The following PMPCB variants were observed in gnomAD, a reference collection of about 807,000 sequenced individuals.
PMPCB encodes the protein peptidase, mitochondrial processing subunit beta.
Under a neutral mutation model 61.5 loss-of-function variants are expected in PMPCB, and 46 were observed. The ratio of observed to expected loss-of-function variants is 0.75; its 90% CI spans 0.59 to 0.96. PMPCB has a LOEUF of 0.96. PMPCB is among the 40% of genes least tolerant of loss of function. The probability of loss-of-function intolerance (pLI) is 0.00; values close to 1 mark genes in which losing one functional copy is unlikely to be tolerated. For missense variants in PMPCB, 590 were observed against 602.4 expected (o/e 0.98, Z 0.22); for synonymous variants, 191 against 201.6 (o/e 0.95, Z 0.44).
chr7:103,305,992 A>G (rs946614747), intron 6 of PMPCB, among the ~76,000 whole-genome samples: 1 of 152,186 alleles, frequency 6.6e-6, no homozygotes, highest in African/African-American at 2.4e-5. Flanking sequence ...GCTAAAATTG[A>G]GATATCTTTA....
At chr7:103,342,610 ATTT>A in the PMPCB span, among the ~76,000 whole-genome samples, 2 of 136,432 alleles carry the variant, frequency 1.5e-5, no homozygotes, top group African/African-American at 2.7e-5. Flanking sequence ...CACCTGGACA[ATTT>A]TTTTTTTTTT....
chr7:103,322,788 A>T, intron 12 of PMPCB: 3 of 1,603,002 alleles, frequency 1.9e-6, no homozygotes, highest in Non-Finnish European at 2.5e-6. Flanking sequence ...ATCTCCTCTC[A>T]TCACGACTAT....
chr7:103,328,488 G>A (rs1259823344), intron 12 of PMPCB, among the ~76,000 whole-genome samples: 1 of 151,896 alleles, frequency 6.6e-6, no homozygotes, highest in Non-Finnish European at 1.5e-5. Context: ...AAAACTAGCT[G>A]GGCGTGGTGG....
At chr7:103,346,857 C>T in the PMPCB span, among the ~76,000 whole-genome samples, 2 of 144,830 alleles carry the variant, frequency 1.4e-5, no homozygotes, top group South Asian at 2.2e-4. Flanking sequence ...TGTGTGTGAG[C>T]GCGCATGCGT....
intron 12 of PMPCB, chr7:103,320,830 CTTTTT>C (rs745754898): frequency 7.5e-4 from 85 of 113,700 alleles, no homozygotes; most frequent in East Asian, 1.1e-3. Context: ...CTCAGCATGT[CTTTTT>C]TTTTTTTTTT....
intron 12 of PMPCB, chr7:103,327,616 A>G (rs374480562): frequency 9.6e-5 from 124 of 1,296,520 alleles, no homozygotes; most frequent in Non-Finnish European, 1.2e-4. Flanking sequence ...ATAAATAACA[A>G]TTACTATTAG....
Position 103,314,169 on chromosome 7 carries a change from G to A in PMPCB, c.*1898G>A. On this transcript the variant is annotated 3_prime_UTR_variant, in exon 13 of 13. Coordinates refer to ENST00000249269, the MANE Select transcript of PMPCB (RefSeq NM_004279.3). ...AGGAAGTCTTTTGTTGAATTTCCTT[G>A]TATTGGTTTAAAGCCCTAAATACCA... 1 of 985,366 alleles carries A rather than the reference G, an allele frequency of 1.0e-6. No individual in the cohort carries two copies. Among genetic ancestry groups the A allele is most frequent in the East Asian group, 1.1e-4 (1 of 8,818 alleles). 61.0% of individuals were successfully genotyped at this position (985,366 alleles called of 1,614,324 possible).
At chr7:103,299,744 TTC>T (rs1358198243) in intron 3 of PMPCB, among the ~76,000 whole-genome samples, 1 of 152,188 alleles carries the variant, frequency 6.6e-6, no homozygotes, top group Non-Finnish European at 1.5e-5. Context: ...CGTATACCAT[TTC>T]TGAAGCCTGA....
downstream of PMPCB, among the ~76,000 whole-genome samples, chr7:103,333,300 T>C (rs1035693210): frequency 6.6e-6 from 1 of 152,220 alleles, no homozygotes; most frequent in African/African-American, 2.4e-5. Context: ...TTGAAAAAAG[T>C]AACAGAATAG....
In PMPCB at chr7:103,297,516, G is replaced by T; in HGVS notation, c.57G>T (p.Trp19Cys). The T allele has an allele frequency of 6.3e-7, 1 of 1,598,636 alleles. No individual in the cohort carries two copies. The highest frequency in any genetic ancestry group is 8.5e-7 in the Non-Finnish European group (1 of 1,171,928). Residue 19 changes from tryptophan to cysteine, a missense_variant, in exon 1 of 13, where the codon TGG becomes TGT. Trp to Cys is a radical substitution (Grantham distance 215). Coordinates refer to ENST00000249269, the MANE Select transcript of PMPCB (RefSeq NM_004279.3). ...VLSSAARRRL[W>C]GFSESLLIRG... The stretch of plus-strand genomic sequence containing the variant: ...CATCCGCGGCGCGGCGGCGGCTCTG[G>T]GGTTTCAGCGAGAGTCTTCTAATCC...
At chr7:103,299,729 C>T (rs1292430688) in intron 3 of PMPCB, among the ~76,000 whole-genome samples, 200 bp downstream of exon 3, 1 of 152,142 alleles carries the variant, frequency 6.6e-6, no homozygotes, top group Non-Finnish European at 1.5e-5. Context: ...CAGGAGTTAT[C>T]TGAACGTATA....
chr7:103,299,914 A>C lies in PMPCB; in HGVS notation c.328-264A>C, dbSNP rs181019432. On this transcript the variant is annotated intron_variant, in intron 3 of 12. Coordinates refer to ENST00000249269, the MANE Select transcript of PMPCB (RefSeq NM_004279.3). ...TTCTGGAGTAGCTGGGAGTATCTAT[A>C]TATATATATATGTTTGTTTGTTTTT... is the stretch of plus-strand genomic sequence containing the variant. 2.8e-3 allele frequency among the ~76,000 whole-genome samples: 419 copies of C among 152,122 alleles called. 2 individuals are homozygous for C. Among genetic ancestry groups the C allele is most frequent in the Non-Finnish European group, 4.5e-3 (308 of 67,994 alleles).
In PMPCB at chr7:103,311,652, C is replaced by G; in HGVS notation, c.1164C>G (p.Leu388=). The G allele has an allele frequency of 6.2e-7, 1 of 1,613,432 alleles. No homozygotes were observed. Residue 388 remains leucine, a synonymous_variant, in exon 10 of 13, where the codon CTC becomes CTG. Transcript: ENST00000249269. The part of the protein sequence containing the change: ...LHVVQKEWMR[L]CTSVTESEVA... ...TTTCCACGTTTTTTAGGATGCGACT[C>G]TGTACAAGTGTCACAGAAAGTGAGG...
intron 6 of PMPCB, among the ~76,000 whole-genome samples, chr7:103,307,301 T>C (rs1586046215): frequency 6.6e-6 from 1 of 152,342 alleles, no homozygotes; most frequent in Non-Finnish European, 1.5e-5. Context: ...GTTTTTATAA[T>C]TTAATAGAAA....
the PMPCB span, chr7:103,337,863 C>A: frequency 7.5e-7 from 1 of 1,335,388 alleles, no homozygotes; most frequent in Non-Finnish European, 1.1e-6. Context: ...CCAATATATT[C>A]CATCCCTTGT....
At position 103,312,542 on chromosome 7, in the gene PMPCB, A is replaced by T; in HGVS notation, c.*271A>T. The T allele has an allele frequency of 6.3e-7, 1 of 1,595,668 alleles. No individual in the cohort carries two copies. The highest frequency in any genetic ancestry group is 8.5e-7 in the Non-Finnish European group (1 of 1,174,564). On this transcript the variant is annotated 3_prime_UTR_variant, in exon 13 of 13. Transcript: ENST00000249269. ...TGTTTACAGTATTTTCAGTTTTATT[A>T]TAAAAATGCACACACAACAAAGATT...
Position 103,313,057 on chromosome 7 carries a change from G to GCTTCTGTT in PMPCB, c.*795_*802dup. ...TATGTTTTCAAAGCTTGTTCCAAAAGCTTCTGTTCTTCTGTTGTCCAAGGG... is the reference window on the plus strand; with the variant it reads ...TATGTTTTCAAAGCTTGTTCCAAAAGCTTCTGTTCTTCTGTTCTTCTGTTGTCCAAGGG... On this transcript the variant is annotated 3_prime_UTR_variant, in exon 13 of 13. Coordinates refer to ENST00000249269, the MANE Select transcript of PMPCB (RefSeq NM_004279.3). The GCTTCTGTT allele has an allele frequency of 6.2e-7, 1 of 1,613,940 alleles. No individual in the cohort carries two copies. The highest frequency in any genetic ancestry group is 8.5e-7 in the Non-Finnish European group (1 of 1,179,914).
At chr7:103,307,739 C>T (rs752776699) in intron 7 of PMPCB, 31 bp downstream of exon 7, 1 of 1,195,202 alleles carries the variant, frequency 8.4e-7, no homozygotes, top group Non-Finnish European at 1.3e-6. Flanking sequence ...AGTATTTAGC[C>T]TTTTGGATTC....
chr7:103,319,529 A>G (rs149370988), downstream of PMPCB: 281 of 1,278,310 alleles, frequency 2.2e-4, no homozygotes, highest in African/African-American at 3.9e-3. Context: ...GCACTTGGTG[A>G]CTTATATATT....
Sources: gnomAD v4.1 joint callset for allele counts (sites outside exome capture counted in the v4.1 genomes callset) on GRCh38, gnomAD v4.1.1 for gene constraint, MANE v1.5 for transcripts, NCBI Gene and HGNC (gene_info 2026-07-23, HGNC 2026-07-21) for gene names.